PRDM2: variants seen among roughly 807,000 people sequenced by gnomAD.
PRDM2 encodes the protein PR domain zinc finger protein 2.
A neutral mutation model predicts 130.0 loss-of-function variants in PRDM2; 30 were observed. That is an observed-to-expected ratio of 0.23 (90% CI 0.17 to 0.31). The LOEUF (loss-of-function observed/expected upper bound fraction) is 0.31. Among genes scored for constraint, PRDM2 ranks in the 10% least tolerant of loss-of-function variants. The pLI is 1.00. For synonymous variants in PRDM2, 871 were observed against 782.4 expected (o/e 1.11, Z -1.89); for missense variants, 2,011 against 2,108.4 (o/e 0.95, Z 0.90).
In PRDM2 at chr1:13,759,163, T is replaced by C. The variant is rs80068261; in HGVS notation, c.511+9676T>C. ...TGCTTAGGCTAAAATTCCCCTACCC[T>C]TTTTTTTTTTTTTTTTAAATGAAAA... On this transcript the variant is annotated intron_variant, in intron 6 of 9. Transcript: ENST00000311066. Among the ~76,000 whole-genome samples the C allele has an allele frequency of 4.6e-4, 33 of 71,676 alleles. No individual in the cohort carries two copies. In the East Asian group the frequency reaches 0.012, roughly 25 times the overall value. 47.0% of individuals were successfully genotyped at this position (71,676 alleles called of 152,430 possible). A position where few individuals can be genotyped will look rare whatever the true frequency, so the allele number is the denominator to read the frequency against.
chr1:13,784,817 C>T (rs1644699930), intron 8 of PRDM2, among the ~76,000 whole-genome samples: 1 of 152,196 alleles, frequency 6.6e-6, no homozygotes, highest in Non-Finnish European at 1.5e-5. Context: ...GCATTGGTGG[C>T]AGCTCTTCCT....
intron 4 of PRDM2, among the ~76,000 whole-genome samples, chr1:13,736,364 T>C (rs1207573320): frequency 6.6e-6 from 1 of 152,154 alleles, no homozygotes; most frequent in Non-Finnish European, 1.5e-5. Flanking sequence ...TCAAGCGATC[T>C]GCCCGTCTCA....
At position 13,780,610 on chromosome 1, in the gene PRDM2, G is replaced by A; in HGVS notation, c.2815G>A (p.Glu939Lys). ...CTCTGGTTTCCCTGCCCCTACTGTTGAGTCCACACCTGATGTTTGTCCTTC... is the reference window on the plus strand; with the variant it reads ...CTCTGGTTTCCCTGCCCCTACTGTTAAGTCCACACCTGATGTTTGTCCTTC... ...PGSGFPAPTV[E>K]STPDVCPSSP... Residue 939 changes from glutamate (E) to lysine (K), a missense_variant, in exon 8 of 10, where the codon GAG becomes AAG. Transcript: ENST00000311066. The A allele has an allele frequency of 6.2e-7, 1 of 1,613,994 alleles. No individual in the cohort carries two copies. Among genetic ancestry groups the A allele is most frequent in the Non-Finnish European group, 8.5e-7 (1 of 1,179,998 alleles).
Position 13,778,542 on chromosome 1 carries a change from G to A in PRDM2, c.747G>A (p.Gln249=), listed in dbSNP as rs1557645027. 7.4e-6 allele frequency: 12 copies of A among 1,614,064 alleles called. No individual in the cohort carries two copies. Among genetic ancestry groups the A allele is most frequent in the Admixed American group, 3.3e-5 (2 of 60,008 alleles). The change falls in exon 8 of 10, where the codon CAG becomes CAA. Residue 249 remains glutamine, a synonymous_variant. Transcript: ENST00000311066. ...LATPAPAWEP[Q]PEPDERLEAA... ...CCCCTGCCCCTGCCTGGGAGCCACA[G>A]CCAGAACCAGACGAGCGATTAGAAG...
chr1:13,778,610 A>G lies in PRDM2; in HGVS notation c.815A>G (p.Glu272Gly). The G allele has an allele frequency of 6.2e-7, 1 of 1,613,462 alleles. No homozygotes were observed. ...AATGATTTGGGGGAAGAGGAGGAGGAGGAAGAGGAGGAGGATGAAGAAGAA... is the reference window on the plus strand; with the variant it reads ...AATGATTTGGGGGAAGAGGAGGAGGGGGAAGAGGAGGAGGATGAAGAAGAA... ...EVNDLGEEEEEEEEEDEEEEE... is the reference protein window; with the variant it reads ...EVNDLGEEEEGEEEEDEEEEE... The change falls in exon 8 of 10, where the codon GAG becomes GGG. Residue 272 changes from glutamate to glycine, a missense_variant. Coordinates refer to ENST00000311066, the MANE Select transcript of PRDM2 (RefSeq NM_001393986.1).
intron 7 of PRDM2, chr1:13,773,614 TGAG>T (rs975951542): frequency 6.6e-6 from 1 of 152,420 alleles, no homozygotes; most frequent in Non-Finnish European, 1.5e-5. Context: ...CTTGACAGGC[TGAG>T]GTGGGAGGAT....
intron 1 of PRDM2, among the ~76,000 whole-genome samples, chr1:13,712,002 A>G (rs1642383668): frequency 6.6e-6 from 1 of 150,392 alleles, no homozygotes; most frequent in African/African-American, 2.4e-5. Context: ...ACCTTTTTTT[A>G]TTAAGAAAAA....
chr1:13,749,430 A>T lies in PRDM2; in HGVS notation c.454A>T (p.Ile152Phe). The change falls in exon 6 of 10, where the codon ATT (isoleucine) becomes TTT (phenylalanine). Residue 152 changes from isoleucine (I) to phenylalanine (F), a missense_variant. By Grantham distance (21) the Ile-to-Phe change is conservative (BLOSUM62 0). Transcript: ENST00000311066. ...AGACAACCCTGAGATAGCAGCTGCG[A>T]TTGAGGAAGAGCGAGCCAGCGCCCG... ...GEDNPEIAAA[I>F]EEERASARSK... 7.3e-6 allele frequency: 11 copies of T among 1,511,952 alleles called. No individual in the cohort carries two copies. The highest frequency in any genetic ancestry group is 9.8e-6 in the Non-Finnish European group (11 of 1,118,050). 93.7% of individuals were successfully genotyped at this position (1,511,952 alleles called of 1,614,324 possible).
chr1:13,792,262 C>T (rs1557663083), intron 8 of PRDM2, among the ~76,000 whole-genome samples: 2 of 152,210 alleles, frequency 1.3e-5, no homozygotes, highest in Non-Finnish European at 2.9e-5. Context: ...ATAGGACTCA[C>T]TTTAAAAAAC....
At chr1:13,805,045 T>A (rs1442178188) in intron 8 of PRDM2, among the ~76,000 whole-genome samples, 1 of 152,166 alleles carries the variant, frequency 6.6e-6, no homozygotes, top group Non-Finnish European at 1.5e-5. Context: ...AACTTGAGTG[T>A]CCAGCTTCTT....
intron 6 of PRDM2, among the ~76,000 whole-genome samples, chr1:13,772,441 A>G (rs1644380381): frequency 6.6e-6 from 1 of 152,186 alleles, no homozygotes; most frequent in Non-Finnish European, 1.5e-5. Flanking sequence ...CATCCTCTGA[A>G]TTGTTAATGA....
intron 4 of PRDM2, among the ~76,000 whole-genome samples, chr1:13,737,385 C>A (rs1027343993): frequency 6.6e-6 from 1 of 152,214 alleles, no homozygotes; most frequent in Non-Finnish European, 1.5e-5. Flanking sequence ...TTATCTATGG[C>A]TTCTTTTGCC....
At chr1:13,786,453 C>T in intron 8 of PRDM2, 1 of 1,578,532 alleles carries the variant, frequency 6.3e-7, no homozygotes, top group South Asian at 1.1e-5. Context: ...TTTTCTTTAA[C>T]ATGGTCAATC....
chr1:13,807,640 G>A (rs2100747190), intron 8 of PRDM2, among the ~76,000 whole-genome samples: 1 of 152,318 alleles, frequency 6.6e-6, no homozygotes, highest in South Asian at 2.1e-4. Context: ...TCCAGGAACA[G>A]CCTGTGCCGA....
chr1:13,725,547 A>G (rs1219938302), intron 2 of PRDM2, among the ~76,000 whole-genome samples: 2 of 152,222 alleles, frequency 1.3e-5, no homozygotes, highest in Non-Finnish European at 2.9e-5. Context: ...TAGCAGTAAC[A>G]TCTTACAAAG....
intron 9 of PRDM2, among the ~76,000 whole-genome samples, chr1:13,821,502 G>A (rs147527675): frequency 0.016 from 2,406 of 150,990 alleles, 55 homozygotes; most frequent in South Asian, 0.1. Flanking sequence ...TCACTCTGTC[G>A]CCCAGGCTGG....
chr1:13,740,860 A>G (rs1643415895), intron 4 of PRDM2, among the ~76,000 whole-genome samples: 1 of 152,238 alleles, frequency 6.6e-6, no homozygotes, highest in Non-Finnish European at 1.5e-5. Flanking sequence ...CCAGAAGAGC[A>G]GCATCCTCAC....
intron 1 of PRDM2, among the ~76,000 whole-genome samples, chr1:13,714,791 C>T (rs1005278029): frequency 7.2e-5 from 11 of 152,064 alleles, no homozygotes; most frequent in African/African-American, 2.4e-4. Flanking sequence ...TGTTTAGAAC[C>T]TTACAGTGGA....
At chr1:13,769,029 A>C (rs1015971910) in intron 6 of PRDM2, 2 of 609,482 alleles carry the variant, frequency 3.3e-6, no homozygotes, top group African/African-American at 4.0e-5. Context: ...TCTTTTCCTC[A>C]TGCACATAGT....
Sources: allele counts gnomAD v4.1 joint callset (sites outside exome capture counted in the v4.1 genomes callset), GRCh38; gene constraint gnomAD v4.1.1; transcripts MANE v1.5; gene names NCBI Gene and HGNC (gene_info 2026-07-23, HGNC 2026-07-21).